Variants in DPYD observed in about 807,000 individuals in gnomAD.
The protein encoded by DPYD is dihydropyrimidine dehydrogenase.
Under a neutral mutation model 116.2 loss-of-function variants are expected in DPYD, and 109 were observed. That is an observed-to-expected ratio of 0.94 (90% CI 0.80 to 1.10). The LOEUF is 1.10. DPYD is among the 50% of genes least tolerant of loss of function. The pLI is 0.00. For synonymous variants in DPYD, 440 were observed against 432.0 expected (o/e 1.02, Z -0.23); for missense variants, 1,302 against 1,254.5 (o/e 1.04, Z -0.57).
intron 22 of DPYD, among the ~76,000 whole-genome samples, chr1:97,081,717 C>CTTTTTTTTTTTTTTTTTTTT: frequency 7.3e-6 from 1 of 136,474 alleles, no homozygotes; most frequent in Non-Finnish European, 1.6e-5. Context: ...CTTTTCTTTT[C>CTTTTTTTTTTTTTTTTTTTT]TTTTTTTTTT....
intron 16 of DPYD, among the ~76,000 whole-genome samples, chr1:97,365,858 T>C: frequency 6.6e-6 from 1 of 152,090 alleles, no homozygotes; most frequent in Non-Finnish European, 1.5e-5. Flanking sequence ...GGTCTCAAAC[T>C]CCTTAGCTCA....
chr1:97,260,531 T>G (rs542004749), intron 18 of DPYD, among the ~76,000 whole-genome samples: 2 of 152,228 alleles, frequency 1.3e-5, no homozygotes, highest in African/African-American at 4.8e-5. Flanking sequence ...GATATTAATT[T>G]GTTGTATAAG....
intron 18 of DPYD, among the ~76,000 whole-genome samples, chr1:97,271,134 T>C (rs1327505090): frequency 6.6e-6 from 1 of 152,134 alleles, no homozygotes; most frequent in African/African-American, 2.4e-5. Context: ...AGACAAGAGA[T>C]AAGGCACGGA....
At chr1:97,308,711 A>C (rs1039940768) in intron 16 of DPYD, among the ~76,000 whole-genome samples, 1 of 151,744 alleles carries the variant, frequency 6.6e-6, no homozygotes, top group Non-Finnish European at 1.5e-5. Flanking sequence ...CTACATCTTG[A>C]CCTTCTCATT....
intron 14 of DPYD, among the ~76,000 whole-genome samples, chr1:97,428,460 A>T (rs1052269841): frequency 2.0e-5 from 3 of 152,140 alleles, no homozygotes; most frequent in Non-Finnish European, 4.4e-5. Flanking sequence ...AAATGAATAC[A>T]ATGAATCAGA....
intron 16 of DPYD, among the ~76,000 whole-genome samples, chr1:97,337,749 C>T (rs138913887): frequency 6.6e-6 from 1 of 150,816 alleles, no homozygotes; most frequent in African/African-American, 2.4e-5. Context: ...AGCTGTATTT[C>T]CAGAGACACT....
intron 20 of DPYD, among the ~76,000 whole-genome samples, chr1:97,118,350 G>A (rs1044676470): frequency 2.0e-5 from 3 of 151,786 alleles, no homozygotes; most frequent in Admixed American, 1.3e-4. Context: ...CCACCCTGTC[G>A]TTAACCTTCT....
intron 13 of DPYD, among the ~76,000 whole-genome samples, chr1:97,475,842 T>C (rs560325396): frequency 1.3e-5 from 2 of 152,170 alleles, no homozygotes; most frequent in African/African-American, 2.4e-5. Flanking sequence ...TAATCCTCCT[T>C]GCAACAATAA....
chr1:97,211,501 C>T (rs1660028546), intron 19 of DPYD, among the ~76,000 whole-genome samples: 1 of 152,146 alleles, frequency 6.6e-6, no homozygotes, highest in Admixed American at 6.6e-5. Flanking sequence ...CTACATAATA[C>T]ACTGTTTGAT....
At chr1:97,695,720 G>A (rs1384877577) in intron 6 of DPYD, among the ~76,000 whole-genome samples, 1 of 151,942 alleles carries the variant, frequency 6.6e-6, no homozygotes, top group East Asian at 1.9e-4. Context: ...AGGAGTTGTT[G>A]AAAGATTTCA....
intron 3 of DPYD, among the ~76,000 whole-genome samples, chr1:97,754,477 G>C (rs935730488): frequency 3.9e-5 from 6 of 152,310 alleles, no homozygotes; most frequent in Admixed American, 3.9e-4. Flanking sequence ...GTCACAGTAC[G>C]TGGCATGCTC....
intron 13 of DPYD, among the ~76,000 whole-genome samples, chr1:97,513,557 T>C (rs1570874919): frequency 6.6e-6 from 1 of 151,960 alleles, no homozygotes; most frequent in Non-Finnish European, 1.5e-5. Context: ...GTCAAGATTC[T>C]GAATTTTAAT....
chr1:97,376,463 C>A (rs976633285), intron 15 of DPYD, among the ~76,000 whole-genome samples: 5 of 152,124 alleles, frequency 3.3e-5, no homozygotes, highest in African/African-American at 1.2e-4. Context: ...CCTGGCAAGG[C>A]CTTTGAAATG....
chr1:97,343,768 C>T (rs1365702619), intron 16 of DPYD, among the ~76,000 whole-genome samples: 1 of 151,744 alleles, frequency 6.6e-6, no homozygotes, highest in Non-Finnish European at 1.5e-5. Context: ...CTTTTGTGGT[C>T]AGGTATGAAA....
At chr1:97,888,475 ATT>A (rs200899920) in intron 1 of DPYD, among the ~76,000 whole-genome samples, 1 of 149,870 alleles carries the variant, frequency 6.7e-6, no homozygotes, top group Non-Finnish European at 1.5e-5. Flanking sequence ...TGCCCGATTT[ATT>A]TTTTTTTTAA....
At chr1:97,835,853 C>T (rs1028869703) in intron 2 of DPYD, among the ~76,000 whole-genome samples, 4 of 151,976 alleles carry the variant, frequency 2.6e-5, no homozygotes, top group African/African-American at 7.2e-5. Context: ...TTAATCTTGA[C>T]AAGAGGGAAG....
chr1:97,442,492 C>G (rs527619275), intron 14 of DPYD, among the ~76,000 whole-genome samples: 1 of 151,286 alleles, frequency 6.6e-6, no homozygotes. Flanking sequence ...TTTTTTGCTA[C>G]CCTTGTTTTG....
At chr1:97,772,681 A>C (rs1217300871) in intron 3 of DPYD, among the ~76,000 whole-genome samples, 1 of 152,222 alleles carries the variant, frequency 6.6e-6, no homozygotes, top group African/African-American at 2.4e-5. Flanking sequence ...AGTATAGAAG[A>C]ATCTCATACA....
chr1:97,266,069 G>GT (rs1664208950), intron 18 of DPYD, among the ~76,000 whole-genome samples: 1 of 152,254 alleles, frequency 6.6e-6, no homozygotes, highest in South Asian at 2.1e-4. Flanking sequence ...TGATCACCAG[G>GT]TTTTTTAGCT....
Sources: allele counts gnomAD v4.1 joint callset (sites outside exome capture counted in the v4.1 genomes callset), GRCh38; gene constraint gnomAD v4.1.1; transcripts MANE v1.5; gene names NCBI Gene and HGNC (gene_info 2026-07-23, HGNC 2026-07-21).